Variants in NTRK3 observed in about 807,000 individuals in gnomAD.
NTRK3 encodes the protein neurotrophic receptor tyrosine kinase 3.
In NTRK3, 24 loss-of-function variants were observed where a neutral mutation model predicts 91.7. The observed-to-expected ratio is 0.26, with a 90% CI of 0.19 to 0.37. The LOEUF is 0.37. Among genes scored for constraint, NTRK3 ranks in the 10% least tolerant of loss-of-function variants. The pLI, the probability that NTRK3 is intolerant of heterozygous loss-of-function variation, is 1.00. For missense variants in NTRK3, 880 were observed against 1,068.9 expected, an observed-to-expected ratio of 0.82 and a Z score of 2.46; for synonymous variants, 483 against 404.0, an observed-to-expected ratio of 1.20 and a Z score of -2.34.
chr15:88,025,107 A>G (rs1237591928), intron 14 of NTRK3, among the ~76,000 whole-genome samples: 1 of 152,242 alleles, frequency 6.6e-6, no homozygotes, highest in Non-Finnish European at 1.5e-5. Flanking sequence ...GACAGTGTGC[A>G]TCCACAAGTG....
chr15:88,058,877 G>A (rs2045956913), intron 13 of NTRK3, among the ~76,000 whole-genome samples: 3 of 152,158 alleles, frequency 2.0e-5, no homozygotes. Context: ...GGACCTAGTT[G>A]TCAGCCAAGT....
At chr15:88,115,398 T>C (rs1461277275) in intron 13 of NTRK3, among the ~76,000 whole-genome samples, 1 of 152,228 alleles carries the variant, frequency 6.6e-6, no homozygotes, top group Non-Finnish European at 1.5e-5. Context: ...GGTGCCCCTC[T>C]GCACCTCCTT....
At chr15:88,252,955 A>T (rs1428374827) in intron 3 of NTRK3, 3 of 152,254 alleles carry the variant, frequency 2.0e-5, no homozygotes, top group African/African-American at 7.2e-5. Context: ...ATGGCCACAC[A>T]GGAATCACTC....
chr15:87,997,052 T>C (rs1182299861), intron 14 of NTRK3, among the ~76,000 whole-genome samples: 1 of 152,146 alleles, frequency 6.6e-6, no homozygotes, highest in Non-Finnish European at 1.5e-5. Context: ...GGCAGTGTAG[T>C]CAAGGGGAAT....
At chr15:87,929,580 GC>G (rs1317962499) in intron 16 of NTRK3, 146 bp from the exon 17 acceptor site, 1 of 1,063,608 alleles carries the variant, frequency 9.4e-7, no homozygotes, top group Non-Finnish European at 1.3e-6. Flanking sequence ...ATTTTTATCT[GC>G]CCCAAATTAG....
At chr15:88,164,204 C>A (rs892216952) in intron 5 of NTRK3, among the ~76,000 whole-genome samples, 2 of 152,234 alleles carry the variant, frequency 1.3e-5, no homozygotes, top group East Asian at 3.9e-4. Flanking sequence ...ACGGTCTTGG[C>A]CCCTTGCTGG....
chr15:88,167,692 C>T (rs2045110418), intron 5 of NTRK3, among the ~76,000 whole-genome samples: 1 of 152,146 alleles, frequency 6.6e-6, no homozygotes, highest in South Asian at 2.1e-4. Flanking sequence ...CAACACATCA[C>T]ATGGTATTAC....
At chr15:88,001,254 T>C (rs2076080614) in intron 14 of NTRK3, among the ~76,000 whole-genome samples, 1 of 152,204 alleles carries the variant, frequency 6.6e-6, no homozygotes, top group South Asian at 2.1e-4. Flanking sequence ...TTATCAGATA[T>C]GATTTACAAA....
At chr15:88,128,779 C>T (rs370594604) in intron 10 of NTRK3, 45 bp from the exon 11 acceptor site, 2 of 1,547,836 alleles carry the variant, frequency 1.3e-6, no homozygotes, top group Non-Finnish European at 1.8e-6. Context: ...TTAATAAAAA[C>T]CAGAACAGAC....
At chr15:88,239,712 G>A (rs532395382) in intron 3 of NTRK3, among the ~76,000 whole-genome samples, 7 of 152,128 alleles carry the variant, frequency 4.6e-5, no homozygotes, top group Non-Finnish European at 7.3e-5. Flanking sequence ...ATGTGCTTGG[G>A]AGTGGGCTGG....
At chr15:87,880,286 T>C in exon 18 of NTRK3, 1 of 1,614,136 alleles carries the variant, frequency 6.2e-7, no homozygotes, top group Non-Finnish European at 8.5e-7. Flanking sequence ...GTTTGAGAGT[T>C]GGAACCATGG....
intron 14 of NTRK3, among the ~76,000 whole-genome samples, chr15:88,016,361 T>C (rs552331482): frequency 6.6e-6 from 1 of 152,340 alleles, no homozygotes; most frequent in Admixed American, 6.5e-5. Context: ...GGAGAAGCCA[T>C]GGACAGTTTT....
At chr15:88,117,583 A>G (rs775717624) in intron 13 of NTRK3, among the ~76,000 whole-genome samples, 1 of 152,238 alleles carries the variant, frequency 6.6e-6, no homozygotes, top group Non-Finnish European at 1.5e-5. Flanking sequence ...TGTGCTCAAA[A>G]GAACCTTAGC....
rs2052329711 is a variant in NTRK3, at chr15:88,241,318, G to C, written c.248+14588C>G. Among the ~76,000 whole-genome samples, 1 of 152,200 alleles carries C rather than the reference G, an allele frequency of 6.6e-6. No homozygotes were observed. Among genetic ancestry groups the C allele is most frequent in the African/African-American group, 2.4e-5 (1 of 41,452 alleles). ...AGACAGCAGGCAACAGCAGTCCTGA[G>C]TGAGTGACAGAAGGAGGGCAGGGGG... On this transcript the variant is annotated intron_variant, in intron 3 of 18. Coordinates refer to ENST00000394480, the Ensembl canonical transcript of NTRK3. The surrounding 1 kb of genome is among the most constrained non-coding windows in gnomAD (Gnocchi z 4.3).
rs2141470968 is a variant in NTRK3 at position 87,880,495 on chromosome 15, A to C, written c.2134-67T>G. The stretch of plus-strand genomic sequence containing the variant: ...GCCAGAATGAGTGTTATCTGTCTGC[A>C]CTCTTCACACATAGATGCACTCTTG... On this transcript the variant is annotated intron_variant, in intron 17 of 18. Coordinates refer to ENST00000394480, the Ensembl canonical transcript of NTRK3. The C allele has an allele frequency of 2.0e-6, 3 of 1,531,520 alleles. No individual in the cohort carries two copies. In the South Asian group the frequency reaches 3.5e-5, roughly 18 times the overall value. 94.9% of individuals were successfully genotyped at this position (1,531,520 alleles called of 1,614,324 possible).
At chr15:88,150,570 G>C (rs1597617556) in intron 5 of NTRK3, among the ~76,000 whole-genome samples, 2 of 151,972 alleles carry the variant, frequency 1.3e-5, no homozygotes, top group East Asian at 3.9e-4. Context: ...CCCGCTCTTT[G>C]GGTGGATGGA....
chr15:88,000,683 A>G (rs1466101941), intron 14 of NTRK3, among the ~76,000 whole-genome samples: 2 of 152,224 alleles, frequency 1.3e-5, no homozygotes, highest in African/African-American at 4.8e-5. Flanking sequence ...TGTAGCAAGT[A>G]CCAATACTCT....
intron 5 of NTRK3, among the ~76,000 whole-genome samples, chr15:88,177,716 C>A (rs554886317): frequency 1.4e-4 from 21 of 152,266 alleles, no homozygotes; most frequent in African/African-American, 5.1e-4. Flanking sequence ...AACTAAAGGG[C>A]ACGATAGGAA....
At chr15:88,100,327 A>T (rs2050040776) in intron 13 of NTRK3, among the ~76,000 whole-genome samples, 1 of 152,160 alleles carries the variant, frequency 6.6e-6, no homozygotes, top group African/African-American at 2.4e-5. Context: ...GATCCTCCCA[A>T]CACCCCTGTT....
Sources: allele counts gnomAD v4.1 joint callset (sites outside exome capture counted in the v4.1 genomes callset), GRCh38; gene constraint gnomAD v4.1.1; non-coding constraint Gnocchi (gnomAD v3.1); transcripts MANE v1.5; gene names NCBI Gene and HGNC (gene_info 2026-07-23, HGNC 2026-07-21).